Variants in TRHDE observed in about 807,000 individuals in gnomAD.
The protein encoded by TRHDE is thyrotropin-releasing hormone-degrading ectoenzyme.
Under a neutral mutation model 125.7 loss-of-function variants are expected in TRHDE, and 72 were observed. That is an observed-to-expected ratio of 0.57 (90% CI 0.47 to 0.70). The LOEUF is 0.70. Among genes scored for constraint, TRHDE ranks in the 30% least tolerant of loss-of-function variants. TRHDE has a pLI of 0.00. For missense variants in TRHDE, 1,110 were observed against 1,327.1 expected (o/e 0.84, Z 2.54); for synonymous variants, 509 against 509.1 (o/e 1.00, Z 0.00).
At chr12:72,151,032 C>G (rs1293275669) in intron 2 of TRHDE, among the ~76,000 whole-genome samples, 1 of 152,172 alleles carries the variant, frequency 6.6e-6, no homozygotes, top group Non-Finnish European at 1.5e-5. Flanking sequence ...AAAAGTGTTC[C>G]TATTTCTCCA....
At chr12:72,141,219 T>G (rs1876104259) in intron 2 of TRHDE, among the ~76,000 whole-genome samples, 1 of 152,114 alleles carries the variant, frequency 6.6e-6, no homozygotes, top group South Asian at 2.1e-4. Flanking sequence ...TAAAATGCTA[T>G]TTTTTTCCCC....
At chr12:72,507,721 A>G (rs1243560896) in intron 6 of TRHDE, among the ~76,000 whole-genome samples, 1 of 152,246 alleles carries the variant, frequency 6.6e-6, no homozygotes, top group Non-Finnish European at 1.5e-5. Context: ...AGAAATGTGC[A>G]TAAGAAGAGC....
chr12:72,515,715 C>A lies in TRHDE; in HGVS notation c.1722+16080C>A, dbSNP rs553567418. Among the ~76,000 whole-genome samples, 193 of 151,968 alleles carry A rather than the reference C, an allele frequency of 1.3e-3. 2 individuals carry two copies. The highest frequency in any genetic ancestry group is 4.5e-3 in the African/African-American group (187 of 41,394). On this transcript the variant is annotated intron_variant, in intron 6 of 18. Coordinates refer to ENST00000261180, the MANE Select transcript of TRHDE (RefSeq NM_013381.3). ...GGTGTTTTAGACATGAAGTCCTTGC[C>A]CATGCCTATGTCCTAAATGGTAATG...
chr12:72,594,260 G>A (rs1328995177), intron 12 of TRHDE, among the ~76,000 whole-genome samples: 3 of 151,974 alleles, frequency 2.0e-5, no homozygotes, highest in Non-Finnish European at 4.4e-5. Flanking sequence ...TTTTCTGATG[G>A]CCAGTGATGA....
intron 2 of TRHDE, among the ~76,000 whole-genome samples, chr12:72,175,353 T>C (rs1252495098): frequency 6.6e-6 from 1 of 152,216 alleles, no homozygotes; most frequent in African/African-American, 2.4e-5. Flanking sequence ...AACAAATTAC[T>C]ACCGTGGTGT....
chr12:72,427,778 T>C (rs939582175), intron 3 of TRHDE, among the ~76,000 whole-genome samples: 4 of 152,192 alleles, frequency 2.6e-5, no homozygotes, highest in Non-Finnish European at 4.4e-5. Context: ...TTTCTCTTTA[T>C]GTGTTCATGC....
At chr12:72,251,771 C>T (rs1003737143) in intron 2 of TRHDE, among the ~76,000 whole-genome samples, 93 of 152,186 alleles carry the variant, frequency 6.1e-4, no homozygotes, top group African/African-American at 2.1e-3. Flanking sequence ...TACCTCTTTA[C>T]ATTTTTTACT....
intron 12 of TRHDE, among the ~76,000 whole-genome samples, chr12:72,575,869 C>T (rs1441833563): frequency 6.6e-6 from 1 of 152,066 alleles, no homozygotes; most frequent in African/African-American, 2.4e-5. Context: ...TAGAAATTAC[C>T]TTGAAGCATT....
intron 3 of TRHDE, among the ~76,000 whole-genome samples, chr12:72,447,563 G>A (rs912372279): frequency 2.0e-5 from 3 of 151,952 alleles, no homozygotes; most frequent in Non-Finnish European, 2.9e-5. Context: ...TAGCAACTAC[G>A]GAATCAAGCA....
Position 72,455,252 on chromosome 12 carries a change from G to A in TRHDE, c.1316-14506G>A, listed in dbSNP as rs563404069. 4.3e-4 allele frequency among the ~76,000 whole-genome samples: 66 copies of A among 151,800 alleles called. 1 individual carries two copies. The South Asian group carries it at 0.012, about 28-fold the overall frequency. ...AGAAAAATTTGTAAAAACTTTCTCC[G>A]GTACTCTTTGCCATTAAAAAAATGT... On this transcript the variant is annotated intron_variant, in intron 3 of 18. Transcript: ENST00000261180.
chr12:72,184,979 G>T (rs902278370), intron 2 of TRHDE, among the ~76,000 whole-genome samples: 4 of 152,322 alleles, frequency 2.6e-5, no homozygotes, highest in East Asian at 1.9e-4. Flanking sequence ...CACTGTGGGA[G>T]CCCCTTTCTG....
intron 6 of TRHDE, among the ~76,000 whole-genome samples, chr12:72,532,549 G>T (rs1868610589): frequency 6.6e-6 from 1 of 150,862 alleles, no homozygotes; most frequent in Non-Finnish European, 1.5e-5. Context: ...TGCCTTTATT[G>T]TTAATGGTCC....
rs1284944741 is a variant in TRHDE at position 72,473,138 on chromosome 12, T to C, written c.1542T>C (p.Phe514=). ...VWLKEGFAHY[F]EFVGTDYLYP... ...TGAAGGAAGGGTTTGCTCACTACTT[T>C]GAATTTGTTGGTACAGACTACCTCT... The change falls in exon 5 of 19, where the codon TTT becomes TTC. Residue 514 remains phenylalanine (F), a synonymous_variant. Coordinates refer to ENST00000261180, the MANE Select transcript of TRHDE (RefSeq NM_013381.3). 1 of 1,613,984 alleles carries C rather than the reference T, an allele frequency of 6.2e-7. No homozygotes were observed. The highest frequency in any genetic ancestry group is 8.5e-7 in the Non-Finnish European group (1 of 1,179,892).
At chr12:72,412,841 A>G (rs1873568808) in intron 3 of TRHDE, among the ~76,000 whole-genome samples, 1 of 152,058 alleles carries the variant, frequency 6.6e-6, no homozygotes, top group Non-Finnish European at 1.5e-5. Flanking sequence ...GCAGAACTAA[A>G]TGGTTGTATA....
intron 6 of TRHDE, among the ~76,000 whole-genome samples, chr12:72,500,759 AG>A (rs1355514088): frequency 9.9e-5 from 15 of 152,048 alleles, no homozygotes; most frequent in South Asian, 2.1e-4. Flanking sequence ...GGAAATAACT[AG>A]GAAGTTAGAA....
chr12:72,095,213 T>C (rs554851814), intron 1 of TRHDE, among the ~76,000 whole-genome samples: 4 of 152,366 alleles, frequency 2.6e-5, no homozygotes, highest in Admixed American at 2.6e-4. Context: ...AGTGTCACCT[T>C]GGCTAGGCTG....
chr12:72,171,823 T>C lies in TRHDE; in HGVS notation n.279+66071T>C, dbSNP rs192794888. On this transcript the variant is annotated intron_variant and non_coding_transcript_variant, in intron 2 of 4. Transcript: ENST00000548156. ...TTGTCCTATCATTATATGAGTCATATTGTCACCTGTCCATGCCTGAAGACT... is the reference window on the plus strand; with the variant it reads ...TTGTCCTATCATTATATGAGTCATACTGTCACCTGTCCATGCCTGAAGACT... Among the ~76,000 whole-genome samples, 388 of 152,316 alleles carry C rather than the reference T, an allele frequency of 2.5e-3. 2 individuals are homozygous for C. Among genetic ancestry groups the C allele is most frequent in the Non-Finnish European group, 2.5e-3 (169 of 68,014 alleles).
intron 12 of TRHDE, among the ~76,000 whole-genome samples, chr12:72,578,937 A>G (rs2136032634): frequency 6.7e-6 from 1 of 149,900 alleles, no homozygotes; most frequent in East Asian, 2.0e-4. Context: ...AATATTTGGC[A>G]TGTATTTATC....
intron 2 of TRHDE, among the ~76,000 whole-genome samples, chr12:72,144,296 C>T (rs1405847936): frequency 6.6e-6 from 1 of 152,250 alleles, no homozygotes; most frequent in Non-Finnish European, 1.5e-5. Context: ...CTGCAATCCA[C>T]CCATCCTTTA....
Sources: gnomAD v4.1 joint callset for allele counts (sites outside exome capture counted in the v4.1 genomes callset) on GRCh38, gnomAD v4.1.1 for gene constraint, MANE v1.5 for transcripts, NCBI Gene and HGNC (gene_info 2026-07-23, HGNC 2026-07-21) for gene names.